Variants in CD55 observed in about 807,000 individuals in gnomAD.
CD55 encodes the protein complement decay-accelerating factor.
Under a neutral mutation model 45.8 loss-of-function variants are expected in CD55, and 41 were observed. The ratio of observed to expected loss-of-function variants is 0.90; its 90% CI spans 0.70 to 1.16. The LOEUF is 1.16. Among genes scored for constraint, CD55 ranks in the 50% most tolerant of loss-of-function variants. The pLI is 0.00. For missense variants in CD55, 416 were observed against 469.8 expected, an observed-to-expected ratio of 0.89 and a Z score of 1.06; for synonymous variants, 181 against 181.1, an observed-to-expected ratio of 1.00 and a Z score of 0.01.
intron 6 of CD55, among the ~76,000 whole-genome samples, 200 bp downstream of exon 6, chr1:207,331,496 C>G (rs778984531): frequency 1.1e-4 from 17 of 152,198 alleles, no homozygotes; most frequent in Non-Finnish European, 2.2e-4. Context: ...CACACATACT[C>G]ACACATATTA....
chr1:207,350,748 T>C (rs1287021743), intron 9 of CD55, among the ~76,000 whole-genome samples: 1 of 152,148 alleles, frequency 6.6e-6, no homozygotes, highest in African/African-American at 2.4e-5. Flanking sequence ...TCTCTCTCTT[T>C]ATTAATCTAG....
At chr1:207,330,842 C>T (rs34299096) in intron 5 of CD55, among the ~76,000 whole-genome samples, 103 of 152,270 alleles carry the variant, frequency 6.8e-4, no homozygotes, top group Admixed American at 1.4e-3. Context: ...TATAATTTTT[C>T]TTTTACATAC....
Position 207,324,762 on chromosome 1 carries a change from T to G in CD55, c.478+12T>G, listed in dbSNP as rs780072520. 1 of 1,570,934 alleles carries G rather than the reference T, an allele frequency of 6.4e-7. No homozygotes were observed. The highest frequency in any genetic ancestry group is 8.7e-7 in the Non-Finnish European group (1 of 1,148,534). On this transcript the variant is annotated intron_variant, in intron 3 of 9. Transcript: ENST00000367064. ...CGAATTTTGTAAAAGTGAGTAAAAT[T>G]TTTTAAAGTATTTTCAACCATCTGG...
chr1:207,332,362 A>G (rs1467242607), intron 6 of CD55, among the ~76,000 whole-genome samples: 2 of 152,140 alleles, frequency 1.3e-5, no homozygotes, highest in East Asian at 1.9e-4. Flanking sequence ...GTCACTGCAC[A>G]TATATGCAAG....
intron 1 of CD55, among the ~76,000 whole-genome samples, chr1:207,322,082 G>A (rs7533852): frequency 6.6e-6 from 1 of 151,954 alleles, no homozygotes; most frequent in Admixed American, 6.5e-5. Context: ...AGGGGTCGGC[G>A]TGGAGGGTTA....
At chr1:207,323,294 GATAT>G (rs1237993983) in intron 2 of CD55, among the ~76,000 whole-genome samples, 1 of 151,398 alleles carries the variant, frequency 6.6e-6, no homozygotes, top group Admixed American at 6.6e-5. Flanking sequence ...TAGGGAGAGA[GATAT>G]ATATAGGGAG....
chr1:207,349,354 T>C (rs1166352853), intron 9 of CD55, among the ~76,000 whole-genome samples: 1 of 152,080 alleles, frequency 6.6e-6, no homozygotes, highest in Non-Finnish European at 1.5e-5. Flanking sequence ...AGCTAATTTT[T>C]GTATTTCTAG....
At chr1:207,347,068 G>A in intron 9 of CD55, 1 of 455,764 alleles carries the variant, frequency 2.2e-6, no homozygotes, top group Non-Finnish European at 4.4e-6. Flanking sequence ...TCACTTGTTT[G>A]TTAAATTCTA....
Position 207,337,328 on chromosome 1 carries a change from G to A in CD55, c.980-1G>A. 6.3e-7 allele frequency: 1 copy of A among 1,596,464 alleles called. No homozygotes were observed. The highest frequency in any genetic ancestry group is 8.6e-7 in the Non-Finnish European group (1 of 1,164,162). ...AAGATTCCCTTCTGCTCATATTACA[G>A]CAACACGGAGTACACCTGTTTCCAG... On this transcript the variant is annotated splice_acceptor_variant, in intron 7 of 9. Coordinates refer to ENST00000367064, the MANE Select transcript of CD55 (RefSeq NM_000574.5). LOFTEE classifies it high-confidence loss of function.
At chr1:207,326,905 C>A (rs1388763191) in intron 5 of CD55, 68 bp downstream of exon 5, 6 of 1,142,410 alleles carry the variant, frequency 5.3e-6, no homozygotes, top group Non-Finnish European at 7.9e-6. Context: ...TAATTTCTGC[C>A]CCTTAAGAAT....
At chr1:207,354,628 A>G (rs765710823) in intron 9 of CD55, among the ~76,000 whole-genome samples, 1 of 152,136 alleles carries the variant, frequency 6.6e-6, no homozygotes, top group Admixed American at 6.5e-5. Context: ...ATTTTTCCCA[A>G]GTTGTATAAA....
chr1:207,360,145 C>G lies in CD55; in HGVS notation c.*535C>G, dbSNP rs1656241176. 1 of 152,116 alleles carries G rather than the reference C, an allele frequency of 6.6e-6. No individual in the cohort carries two copies. Among genetic ancestry groups the G allele is most frequent in the South Asian group, 2.1e-4 (1 of 4,838 alleles). The allele number at this position is 152,116 out of a possible 1,614,324, so 9.4% of individuals were successfully genotyped here. A position where few individuals can be genotyped will look rare whatever the true frequency, so the allele number is the denominator to read the frequency against. ...CAAAATATTTTAAAGGTAAAACATG[C>G]TGGTGAACCAGGGGTGTTGATGGTG... On this transcript the variant is annotated 3_prime_UTR_variant, in exon 10 of 10. Transcript: ENST00000367064.
chr1:207,349,778 G>C (rs1273179333), intron 9 of CD55, among the ~76,000 whole-genome samples: 1 of 152,160 alleles, frequency 6.6e-6, no homozygotes, highest in African/African-American at 2.4e-5. Flanking sequence ...AGACTATGGA[G>C]TATTCTAGGT....
intron 6 of CD55, among the ~76,000 whole-genome samples, chr1:207,334,491 G>A (rs956387104): frequency 2.0e-5 from 3 of 152,148 alleles, no homozygotes; most frequent in Admixed American, 2.0e-4. Flanking sequence ...TACAAACAGT[G>A]AATGTAATGT....
In CD55 at chr1:207,337,459, G is replaced by A. The variant is rs1029224314; in HGVS notation, c.1060+50G>A. 9 of 990,642 alleles carry A rather than the reference G, an allele frequency of 9.1e-6. No individual in the cohort carries two copies. In the Admixed American group the frequency reaches 1.2e-4, roughly 14 times the overall value. The allele number at this position is 990,642 out of a possible 1,614,324, so 61.4% of individuals were successfully genotyped here. ...CTGAGTATGGATCTAATGTGCTATG[G>A]TGGAAATATGAACTTGACCAAGATT... On this transcript the variant is annotated intron_variant, in intron 8 of 9. Coordinates refer to ENST00000367064, the MANE Select transcript of CD55 (RefSeq NM_000574.5).
intron 9 of CD55, among the ~76,000 whole-genome samples, chr1:207,355,173 G>A (rs1051855842): frequency 1.3e-5 from 2 of 152,140 alleles, no homozygotes; most frequent in Non-Finnish European, 2.9e-5. Flanking sequence ...ATTTTCACAT[G>A]GCAGTGCAAT....
rs1656224600 is a variant in CD55 at position 207,359,783 on chromosome 1, C to G, written c.*173C>G. ...CAGAGCAAGGAGAAAAAAGGCAGTC[C>G]TGGAATCACATTCTTAGCACACCTA... On this transcript the variant is annotated 3_prime_UTR_variant, in exon 10 of 10. Transcript: ENST00000367064. The G allele has an allele frequency of 1.3e-6, 1 of 741,112 alleles. No individual in the cohort carries two copies. The highest frequency in any genetic ancestry group is 3.8e-5 in the Admixed American group (1 of 26,052). The allele number at this position is 741,112 out of a possible 1,614,324, so 45.9% of individuals were successfully genotyped here.
At chr1:207,350,743 CTCTT>C (rs1238134520) in intron 9 of CD55, among the ~76,000 whole-genome samples, 1 of 151,862 alleles carries the variant, frequency 6.6e-6, no homozygotes, top group Non-Finnish European at 1.5e-5. Context: ...GATGTTCTCT[CTCTT>C]TATTAATCTA....
rs771031409 is a variant in CD55, at chr1:207,322,504, GAGA to G, written c.226_228del (p.Lys76del). 3 of 1,614,196 alleles carry G rather than the reference GAGA, an allele frequency of 1.9e-6. No individual in the cohort carries two copies. Among genetic ancestry groups the G allele is most frequent in the Non-Finnish European group, 1.7e-6 (2 of 1,180,030 alleles). On this transcript the variant is annotated inframe_deletion, in exon 2 of 10. Coordinates refer to ENST00000367064, the MANE Select transcript of CD55 (RefSeq NM_000574.5). ...AGAAAGCTTTGTGAAAATTCCTGGC[GAGA>G]AGGACTCAGTGATCTGCCTTAAGGG...
Sources: gnomAD v4.1 joint callset for allele counts (sites outside exome capture counted in the v4.1 genomes callset) on GRCh38, gnomAD v4.1.1 for gene constraint, MANE v1.5 for transcripts, NCBI Gene and HGNC (gene_info 2026-07-23, HGNC 2026-07-21) for gene names.